CNTNAP2: variants seen among roughly 807,000 people sequenced by gnomAD.
CNTNAP2 encodes contactin-associated protein-like 2.
A neutral mutation model predicts 155.2 loss-of-function variants in CNTNAP2; 98 were observed. The observed-to-expected ratio is 0.63, with a 90% CI of 0.54 to 0.75. The LOEUF (loss-of-function observed/expected upper bound fraction) is 0.75. Among genes scored for constraint, CNTNAP2 ranks in the 30% least tolerant of loss-of-function variants. The pLI, the probability that CNTNAP2 is intolerant of heterozygous loss-of-function variation, is 0.00. For synonymous variants in CNTNAP2, 651 were observed against 631.2 expected (o/e 1.03, Z -0.47); for missense variants, 1,727 against 1,688.1 (o/e 1.02, Z -0.40).
chr7:147,005,433 G>C (rs1047915988), intron 3 of CNTNAP2, among the ~76,000 whole-genome samples: 6 of 151,944 alleles, frequency 3.9e-5, no homozygotes, highest in African/African-American at 1.4e-4. Context: ...AGCTGGAATA[G>C]ACCCCTGCAA....
intron 3 of CNTNAP2, among the ~76,000 whole-genome samples, chr7:146,866,335 T>C (rs573144467): frequency 5.1e-4 from 78 of 152,254 alleles, no homozygotes; most frequent in African/African-American, 1.8e-3. Context: ...TTTTCCAAAA[T>C]AATTTTTATT....
chr7:146,543,158 T>C lies in CNTNAP2; in HGVS notation c.98-231113T>C, dbSNP rs145296358. On this transcript the variant is annotated intron_variant, in intron 1 of 23. Transcript: ENST00000361727. ...TATACATATACATATATAAACATCA[T>C]ATTGCACTTAATAAATTTTTTTTAT... 8.5e-5 allele frequency among the ~76,000 whole-genome samples: 13 copies of C among 152,080 alleles called. No individual in the cohort carries two copies. The East Asian group carries it at 2.3e-3, about 27-fold the overall frequency.
chr7:147,818,300 T>C (rs1243727697), intron 13 of CNTNAP2, among the ~76,000 whole-genome samples: 5 of 152,186 alleles, frequency 3.3e-5, no homozygotes, highest in Non-Finnish European at 7.3e-5. Flanking sequence ...TTCCTATTAA[T>C]AGACAGTCTT....
intron 10 of CNTNAP2, among the ~76,000 whole-genome samples, chr7:147,459,403 G>A (rs939315624): frequency 1.4e-4 from 21 of 152,098 alleles, no homozygotes; most frequent in Non-Finnish European, 2.9e-5. Flanking sequence ...TTTCCAGAAT[G>A]TACTAATCCC....
chr7:146,322,706 G>A (rs1221696460), intron 1 of CNTNAP2, among the ~76,000 whole-genome samples: 2 of 119,792 alleles, frequency 1.7e-5, no homozygotes, highest in Non-Finnish European at 3.2e-5. Context: ...TATTTGTTGA[G>A]TGAATAGATG....
intron 1 of CNTNAP2, among the ~76,000 whole-genome samples, chr7:146,426,424 TAC>T (rs544201706): frequency 0.028 from 4,124 of 148,572 alleles, 90 homozygotes; most frequent in Middle Eastern, 0.063. Context: ...CACACACATA[TAC>T]ACACACATTT....
chr7:146,540,201 C>G (rs965808779), intron 1 of CNTNAP2, among the ~76,000 whole-genome samples: 1 of 152,040 alleles, frequency 6.6e-6, no homozygotes, highest in African/African-American at 2.4e-5. Context: ...ATTCCAGAAG[C>G]AAGCAGTTAA....
intron 13 of CNTNAP2, among the ~76,000 whole-genome samples, chr7:147,778,505 T>G (rs527494680): frequency 5.3e-5 from 8 of 152,306 alleles, no homozygotes; most frequent in African/African-American, 1.9e-4. Context: ...TCTGTGGAAT[T>G]AAAATTTGGA....
At chr7:148,283,287 GAAA>G in intron 21 of CNTNAP2, among the ~76,000 whole-genome samples, 2 of 84,266 alleles carry the variant, frequency 2.4e-5, no homozygotes, top group African/African-American at 6.9e-5. Context: ...AAGAAAGAAA[GAAA>G]GAAAGAAAGA....
At chr7:146,372,523 C>T (rs1275213594) in intron 1 of CNTNAP2, among the ~76,000 whole-genome samples, 2 of 152,124 alleles carry the variant, frequency 1.3e-5, no homozygotes, top group African/African-American at 4.8e-5. Context: ...TTGAAAAGTT[C>T]ACCACATGTT....
At chr7:147,831,147 T>C (rs1798539306) in intron 13 of CNTNAP2, among the ~76,000 whole-genome samples, 1 of 152,190 alleles carries the variant, frequency 6.6e-6, no homozygotes, top group Non-Finnish European at 1.5e-5. Flanking sequence ...GAATTAAAGC[T>C]GTATATGTTA....
intron 12 of CNTNAP2, among the ~76,000 whole-genome samples, chr7:147,599,916 G>A (rs1017332856): frequency 2.0e-5 from 3 of 152,188 alleles, no homozygotes; most frequent in African/African-American, 7.2e-5. Context: ...TGCAGTGTAT[G>A]AGGGTTCACT....
At chr7:146,216,420 A>C (rs1799114071) in intron 1 of CNTNAP2, among the ~76,000 whole-genome samples, 2 of 152,208 alleles carry the variant, frequency 1.3e-5, no homozygotes, top group African/African-American at 4.8e-5. Flanking sequence ...TTTATATTTG[A>C]TGGAACCCTT....
chr7:146,455,201 G>A (rs1445189862), intron 1 of CNTNAP2, among the ~76,000 whole-genome samples: 1 of 152,108 alleles, frequency 6.6e-6, no homozygotes, highest in Admixed American at 6.5e-5. Flanking sequence ...AATCAATCAT[G>A]GCAAATACCC....
At chr7:146,273,302 A>G (rs1800113412) in intron 1 of CNTNAP2, among the ~76,000 whole-genome samples, 1 of 152,156 alleles carries the variant, frequency 6.6e-6, no homozygotes, top group Admixed American at 6.6e-5. Context: ...AATAATAAAA[A>G]AGATTATTCA....
chr7:146,128,296 A>T (rs1312986162), intron 1 of CNTNAP2, among the ~76,000 whole-genome samples: 2 of 152,186 alleles, frequency 1.3e-5, no homozygotes, highest in Non-Finnish European at 2.9e-5. Context: ...AAATTAGCCC[A>T]AATACCTCTG....
At chr7:146,717,795 T>C (rs1332916249) in intron 1 of CNTNAP2, among the ~76,000 whole-genome samples, 1 of 152,120 alleles carries the variant, frequency 6.6e-6, no homozygotes, top group African/African-American at 2.4e-5. Context: ...CACAGCTCTT[T>C]AGCATTTCAT....
At chr7:146,250,658 G>T (rs1245557488) in intron 1 of CNTNAP2, among the ~76,000 whole-genome samples, 4 of 152,180 alleles carry the variant, frequency 2.6e-5, no homozygotes, top group African/African-American at 7.2e-5. Flanking sequence ...TCTCATATGT[G>T]TAATTTACTA....
rs542959044 is a variant in CNTNAP2, at chr7:147,492,875, G to A, written c.1777+6834G>A. Among the ~76,000 whole-genome samples the A allele has an allele frequency of 1.1e-4, 16 of 152,150 alleles. No homozygotes were observed. In the South Asian group the frequency reaches 3.3e-3, roughly 32 times the overall value. On this transcript the variant is annotated intron_variant, in intron 11 of 23. Coordinates refer to ENST00000361727, the MANE Select transcript of CNTNAP2 (RefSeq NM_014141.6). The stretch of plus-strand genomic sequence containing the variant: ...CATCTCTCCGCCCCCGCTCCTCTGT[G>A]CTATCTTGGTTTTGTGTTTTTAGAC...
Sources: allele counts gnomAD v4.1 joint callset (sites outside exome capture counted in the v4.1 genomes callset), GRCh38; gene constraint gnomAD v4.1.1; transcripts MANE v1.5; gene names NCBI Gene and HGNC (gene_info 2026-07-23, HGNC 2026-07-21).